The following PKHD1 variants were observed in gnomAD, a reference collection of about 807,000 sequenced individuals.
The protein encoded by PKHD1 is PKHD1 ciliary IPT domain containing fibrocystin/polyductin.
Under a neutral mutation model 412.0 loss-of-function variants are expected in PKHD1, and 291 were observed. The observed-to-expected ratio is 0.71, with a 90% confidence interval of 0.64 to 0.78. The LOEUF is 0.78. PKHD1 is among the 30% of genes least tolerant of loss of function. The pLI is 0.00. For missense variants in PKHD1, 4,825 were observed against 4,950.7 expected (o/e 0.97, Z 0.76); for synonymous variants, 1,777 against 1,821.5 (o/e 0.98, Z 0.62).
chr6:51,952,437 G>A (rs371211614), intron 36 of PKHD1, among the ~76,000 whole-genome samples: 3 of 152,106 alleles, frequency 2.0e-5, no homozygotes, highest in African/African-American at 7.2e-5. Context: ...CCTGTTTCGT[G>A]CCTGGAGATA....
At chr6:51,756,984 C>T (rs1582493302) in intron 55 of PKHD1, among the ~76,000 whole-genome samples, 1 of 152,222 alleles carries the variant, frequency 6.6e-6, no homozygotes, top group East Asian at 1.9e-4. Context: ...AGATCCCTCA[C>T]ATACACAGTT....
At chr6:51,698,871 A>G (rs985911161) in intron 60 of PKHD1, among the ~76,000 whole-genome samples, 2 of 152,230 alleles carry the variant, frequency 1.3e-5, no homozygotes, top group African/African-American at 2.4e-5. Flanking sequence ...TTGAATAATT[A>G]TAGGCAAATA....
At chr6:51,828,181 G>C (rs1451856898) in intron 52 of PKHD1, among the ~76,000 whole-genome samples, 1 of 151,932 alleles carries the variant, frequency 6.6e-6, no homozygotes, top group African/African-American at 2.4e-5. Context: ...AGGTATTGAT[G>C]GTAAGTTTTT....
intron 55 of PKHD1, among the ~76,000 whole-genome samples, chr6:51,759,155 C>G (rs1787564699): frequency 6.6e-6 from 1 of 152,128 alleles, no homozygotes; most frequent in Non-Finnish European, 1.5e-5. Context: ...CTGTATTATT[C>G]TACACTTGAT....
At chr6:52,032,768 A>G (rs1417614295) in intron 29 of PKHD1, among the ~76,000 whole-genome samples, 1 of 152,182 alleles carries the variant, frequency 6.6e-6, no homozygotes, top group Non-Finnish European at 1.5e-5. Context: ...CTCAAGGAAC[A>G]TATTTTGAAT....
At chr6:51,854,575 T>C (rs1283465485) in intron 49 of PKHD1, among the ~76,000 whole-genome samples, 1 of 152,122 alleles carries the variant, frequency 6.6e-6, no homozygotes, top group South Asian at 2.1e-4. Context: ...CCACTCCCCC[T>C]GGGGCTCAGA....
At chr6:51,742,973 C>G (rs9382005) in intron 60 of PKHD1, among the ~76,000 whole-genome samples, 56,809 of 151,830 alleles carry the variant, frequency 0.37, 12,187 homozygotes, top group East Asian at 0.68. Flanking sequence ...CCAGCACAAA[C>G]GCCCTGATGT....
At position 51,870,560 on chromosome 6, in the gene PKHD1, A is replaced by C. The variant is rs1366295189; in HGVS notation, c.7430T>G (p.Phe2477Cys). The C allele has an allele frequency of 8.1e-6, 13 of 1,611,706 alleles. No individual in the cohort carries two copies. Among genetic ancestry groups the C allele is most frequent in the Non-Finnish European group, 1.1e-5 (13 of 1,177,882 alleles). The change falls in exon 47 of 67, where the codon TTT becomes TGT. Residue 2477 changes from phenylalanine to cysteine, a missense_variant. Phe to Cys is a radical substitution (Grantham distance 205). Coordinates refer to ENST00000371117, the MANE Select transcript of PKHD1 (RefSeq NM_138694.4). Reference sequence around the variant, plus strand: ...AATGGCCACACAGTTGATGAGATCAAAATTAACAAAGGTTGTGTTAGACAC... The same window carrying C: ...AATGGCCACACAGTTGATGAGATCACAATTAACAAAGGTTGTGTTAGACAC... ...LMVSNTTFVN[F>C]DLINCVAIRT...
intron 35 of PKHD1, among the ~76,000 whole-genome samples, chr6:51,983,239 A>T: frequency 6.6e-6 from 1 of 152,238 alleles, no homozygotes. Context: ...GTACCTACAG[A>T]GGTGAGAACT....
chr6:51,802,837 C>T (rs931916191), intron 52 of PKHD1, among the ~76,000 whole-genome samples: 5 of 151,062 alleles, frequency 3.3e-5, no homozygotes, highest in Admixed American at 3.3e-4. Flanking sequence ...ATCCAAAAAA[C>T]TATGAGATTC....
chr6:51,801,654 T>TGTGTGTGTGTGTGTGA (rs751203950), intron 52 of PKHD1, among the ~76,000 whole-genome samples: 1 of 114,210 alleles, frequency 8.8e-6, no homozygotes. Flanking sequence ...TGTGTGTGTG[T>TGTGTGTGTGTGTGTGA]GAGAGAGAGA....
chr6:51,619,376 G>C lies in PKHD1; in HGVS notation c.11930C>G (p.Ser3977Cys). 2 of 1,613,996 alleles carry C rather than the reference G, an allele frequency of 1.2e-6. No homozygotes were observed. Among genetic ancestry groups the C allele is most frequent in the Non-Finnish European group, 1.7e-6 (2 of 1,179,834 alleles). Residue 3977 changes from serine to cysteine, a missense_variant, in exon 67 of 67, where the codon TCC (serine) becomes TGC (cysteine). Ser to Cys is a moderately radical substitution (Grantham distance 112). Transcript: ENST00000371117. ...ACCTGGAGCACAGATGTGCCCATGG[G>C]ATGTGATGCCAGTAGTACCAGGAGC... ...VPAPGTTGITSHGHICAPGAP... is the reference protein window; with the variant it reads ...VPAPGTTGITCHGHICAPGAP...
Position 51,934,168 on chromosome 6 carries a change from G to A in PKHD1, c.6063C>T (p.Pro2021=). 1.9e-6 allele frequency: 3 copies of A among 1,614,112 alleles called. No homozygotes were observed. Among genetic ancestry groups the A allele is most frequent in the Non-Finnish European group, 2.5e-6 (3 of 1,179,938 alleles). Residue 2021 remains proline, a synonymous_variant, in exon 37 of 67, where the codon CCC becomes CCT. Transcript: ENST00000371117. ...ITLYGSSYST[P]FFPYGVKFLA... ...GGAACTTGACTCCATAGGGAAAGAA[G>A]GGAGTTGAGTAGGAACTCCCGTAGA...
intron 55 of PKHD1, among the ~76,000 whole-genome samples, chr6:51,765,762 G>A (rs1162619944): frequency 1.3e-5 from 2 of 152,182 alleles, no homozygotes; most frequent in East Asian, 1.9e-4. Context: ...CTCCCAGAGG[G>A]CAGCAATCTC....
intron 60 of PKHD1, among the ~76,000 whole-genome samples, chr6:51,696,457 G>C (rs1778813776): frequency 6.6e-6 from 1 of 152,168 alleles, no homozygotes; most frequent in Non-Finnish European, 1.5e-5. Flanking sequence ...TGTCTAGAAA[G>C]TGGCTATCTT....
At chr6:51,785,984 A>C (rs1792789929) in intron 53 of PKHD1, among the ~76,000 whole-genome samples, 1 of 152,190 alleles carries the variant, frequency 6.6e-6, no homozygotes, top group African/African-American at 2.4e-5. Context: ...CCAATGTATA[A>C]AGTTTACTGT....
chr6:51,865,781 T>C (rs1774970093), intron 48 of PKHD1, among the ~76,000 whole-genome samples: 1 of 152,182 alleles, frequency 6.6e-6, no homozygotes, highest in Non-Finnish European at 1.5e-5. Context: ...AATTAATCCT[T>C]TCTCCATGAA....
At chr6:52,028,969 C>A (rs574662037) in intron 29 of PKHD1, among the ~76,000 whole-genome samples, 19 of 152,248 alleles carry the variant, frequency 1.2e-4, no homozygotes, top group Non-Finnish European at 1.2e-4. Flanking sequence ...CAAAGAGCAC[C>A]ACATATTGGT....
intron 36 of PKHD1, among the ~76,000 whole-genome samples, chr6:51,952,226 C>A (rs1790462649): frequency 6.6e-6 from 1 of 152,056 alleles, no homozygotes; most frequent in Non-Finnish European, 1.5e-5. Context: ...AGCCAAGTGT[C>A]CCCCACATTA....
Sources: gnomAD v4.1 joint callset for allele counts (sites outside exome capture counted in the v4.1 genomes callset) on GRCh38, gnomAD v4.1.1 for gene constraint, MANE v1.5 for transcripts, NCBI Gene and HGNC (gene_info 2026-07-23, HGNC 2026-07-21) for gene names.